Variants in CYFIP2 observed in about 807,000 individuals in gnomAD.
CYFIP2 encodes the protein cytoplasmic FMR1-interacting protein 2.
Under a neutral mutation model 158.7 loss-of-function variants are expected in CYFIP2, and 29 were observed. The ratio of observed to expected loss-of-function variants is 0.18; its 90% CI spans 0.14 to 0.25. The LOEUF (loss-of-function observed/expected upper bound fraction) is 0.25. Ranked by LOEUF, CYFIP2 falls within the 10% of genes least tolerant of loss-of-function variation. CYFIP2 has a pLI of 1.00. For synonymous variants in CYFIP2, 585 were observed against 617.6 expected (o/e 0.95, Z 0.78); for missense variants, 852 against 1,639.5 (o/e 0.52, Z 8.29).
chr5:157,307,624 G>A (rs529619), intron 8 of CYFIP2, 137 bp from the exon 9 acceptor site: 360,805 of 454,568 alleles, frequency 0.79, 144,707 homozygotes, highest in East Asian at 0.98. Flanking sequence ...AATATAATGT[G>A]TGTCTCTACA....
chr5:157,392,588 T>G (rs1326167556), intron 30 of CYFIP2, among the ~76,000 whole-genome samples: 2 of 152,150 alleles, frequency 1.3e-5, no homozygotes, highest in African/African-American at 2.4e-5. Flanking sequence ...TACATCTACC[T>G]TTTTACCAGT....
At chr5:157,291,791 G>C (rs1200137454) in intron 3 of CYFIP2, among the ~76,000 whole-genome samples, 3 of 152,192 alleles carry the variant, frequency 2.0e-5, no homozygotes, top group African/African-American at 7.2e-5. Context: ...TTGATCTGCT[G>C]TTATACTAAT....
chr5:157,305,461 G>T (rs1759135865), intron 8 of CYFIP2, among the ~76,000 whole-genome samples: 1 of 152,182 alleles, frequency 6.6e-6, no homozygotes, highest in Non-Finnish European at 1.5e-5. Flanking sequence ...ATACAGCAAA[G>T]CATAAAAAAA....
At chr5:157,278,862 T>C (rs1756767997) in intron 1 of CYFIP2, among the ~76,000 whole-genome samples, 1 of 152,206 alleles carries the variant, frequency 6.6e-6, no homozygotes, top group African/African-American at 2.4e-5. Flanking sequence ...TAAATGCCAC[T>C]CTCTACCTGA....
intron 26 of CYFIP2, among the ~76,000 whole-genome samples, chr5:157,379,446 T>G (rs1765817429): frequency 6.6e-6 from 1 of 151,734 alleles, no homozygotes; most frequent in Non-Finnish European, 1.5e-5. Context: ...GCTGTATCTA[T>G]TAAAGAAATA....
chr5:157,389,073 G>C, intron 28 of CYFIP2, 116 bp from the exon 29 acceptor site: 1 of 987,136 alleles, frequency 1.0e-6, no homozygotes, highest in South Asian at 1.7e-5. Context: ...AACAAGACCA[G>C]TTCTGGTGAA....
intron 23 of CYFIP2, among the ~76,000 whole-genome samples, chr5:157,353,343 T>C (rs930968339): frequency 4.6e-5 from 7 of 152,174 alleles, no homozygotes; most frequent in Non-Finnish European, 7.4e-5. Context: ...AAGGCTCGGC[T>C]CCTGTTCCCC....
At chr5:157,304,080 C>T (rs1242420364) in intron 7 of CYFIP2, among the ~76,000 whole-genome samples, 158 bp from the exon 8 acceptor site, 1 of 152,136 alleles carries the variant, frequency 6.6e-6, no homozygotes, top group Non-Finnish European at 1.5e-5. Flanking sequence ...AGGATTCAGG[C>T]ATCAGGTGCC....
intron 28 of CYFIP2, chr5:157,384,331 G>GGGCA (rs1246987787): frequency 2.2e-6 from 1 of 456,544 alleles, no homozygotes; most frequent in Non-Finnish European, 4.4e-6. Context: ...CACATTTTGG[G>GGGCA]GGCAGGCAGG....
chr5:157,384,497 G>A (rs1299629445), intron 28 of CYFIP2: 2 of 456,576 alleles, frequency 4.4e-6, no homozygotes, highest in African/African-American at 4.0e-5. Flanking sequence ...CCTCAGCGGA[G>A]GACAGAAGGT....
intron 23 of CYFIP2, among the ~76,000 whole-genome samples, chr5:157,355,314 A>G (rs1763341641): frequency 6.6e-6 from 1 of 152,194 alleles, no homozygotes; most frequent in Non-Finnish European, 1.5e-5. Context: ...GCTGGGGGAA[A>G]TTCGACCAGA....
intron 1 of CYFIP2, among the ~76,000 whole-genome samples, chr5:157,271,201 G>A (rs1047360963): frequency 2.0e-5 from 3 of 152,172 alleles, no homozygotes; most frequent in Non-Finnish European, 4.4e-5. Flanking sequence ...AAGGCACAAA[G>A]GAAGAGTATC....
chr5:157,359,752 G>GA (rs1763673612), intron 24 of CYFIP2, among the ~76,000 whole-genome samples: 2 of 152,238 alleles, frequency 1.3e-5, no homozygotes, highest in African/African-American at 4.8e-5. Flanking sequence ...TTCAAATGAT[G>GA]AAAGAGAAAG....
chr5:157,289,374 A>G (rs1451432391), intron 3 of CYFIP2, among the ~76,000 whole-genome samples: 1 of 152,242 alleles, frequency 6.6e-6, no homozygotes, highest in Non-Finnish European at 1.5e-5. Context: ...GGGTCGGGGC[A>G]TAGAGGGTGT....
chr5:157,307,484 T>G (rs1759328511), intron 8 of CYFIP2, among the ~76,000 whole-genome samples: 1 of 152,212 alleles, frequency 6.6e-6, no homozygotes, highest in East Asian at 1.9e-4. Context: ...TCATGCTTAT[T>G]AAAGCTCTGA....
At chr5:157,341,209 A>G in intron 23 of CYFIP2, 52 bp downstream of exon 23, 1 of 1,527,936 alleles carries the variant, frequency 6.5e-7, no homozygotes, top group Admixed American at 1.7e-5. Context: ...AGAAAAAGCA[A>G]ATAGAAAAGT....
rs572666120 is a variant in CYFIP2 at position 157,312,641 on chromosome 5, C to T, written c.1110+860C>T. 9.6e-4 allele frequency among the ~76,000 whole-genome samples: 147 copies of T among 152,332 alleles called. 1 individual carries two copies. Among genetic ancestry groups the T allele is most frequent in the African/African-American group, 3.2e-3 (135 of 41,570 alleles). ...AGCCATGGTGACTGTACTTTCCAAA[C>T]CCCAACTCAGGAGATGCCTTTGATC... On this transcript the variant is annotated intron_variant, in intron 11 of 30. Transcript: ENST00000620254.
In CYFIP2 at chr5:157,314,329, C is replaced by T. The variant is rs1216780497; in HGVS notation, c.1111-15C>T. 6.2e-7 allele frequency: 1 copy of T among 1,612,256 alleles called. No homozygotes were observed. The highest frequency in any genetic ancestry group is 1.7e-5 in the Admixed American group (1 of 59,786). The stretch of plus-strand genomic sequence containing the variant: ...AGGCACATAGACCATGAGTATGACA[C>T]CTGATGCTCCCCAGGTGGTGACGGG... On this transcript the variant is annotated splice_polypyrimidine_tract_variant and intron_variant, in intron 11 of 30. Transcript: ENST00000620254.
intron 23 of CYFIP2, among the ~76,000 whole-genome samples, chr5:157,348,291 G>C (rs922109498): frequency 6.6e-6 from 1 of 152,234 alleles, no homozygotes; most frequent in Non-Finnish European, 1.5e-5. Flanking sequence ...GGAATTCCCA[G>C]GCTGGAGTGC....
Sources: gnomAD v4.1 joint callset for allele counts (sites outside exome capture counted in the v4.1 genomes callset) on GRCh38, gnomAD v4.1.1 for gene constraint, MANE v1.5 for transcripts, NCBI Gene and HGNC (gene_info 2026-07-23, HGNC 2026-07-21) for gene names.